The following COBL variants were observed in gnomAD, a reference collection of about 807,000 sequenced individuals.
COBL encodes the protein protein cordon-bleu.
Under a neutral mutation model 98.8 loss-of-function variants are expected in COBL, and 51 were observed. The ratio of observed to expected loss-of-function variants is 0.52; its 90% confidence interval spans 0.41 to 0.65. The LOEUF (loss-of-function observed/expected upper bound fraction) is 0.65, where lower values mean the gene tolerates loss of function less well. Among genes scored for constraint, COBL ranks in the 30% least tolerant of loss-of-function variants. The pLI, the probability that COBL is intolerant of heterozygous loss-of-function variation, is 0.00. For missense variants in COBL, 1,617 were observed against 1,617.5 expected (o/e 1.00, Z 0.01); for synonymous variants, 634 against 651.7 (o/e 0.97, Z 0.41).
chr7:51,098,447 G>A (rs1795512179), intron 6 of COBL, among the ~76,000 whole-genome samples: 1 of 151,958 alleles, frequency 6.6e-6, no homozygotes, highest in African/African-American at 2.4e-5. Flanking sequence ...AGAATAAGGA[G>A]CTCAAAAATA....
chr7:51,316,071 G>A (rs1803542328), intron 1 of COBL, among the ~76,000 whole-genome samples: 1 of 152,180 alleles, frequency 6.6e-6, no homozygotes, highest in Non-Finnish European at 1.5e-5. Flanking sequence ...GCGGGGCCCG[G>A]GCGGCTGCGA....
At chr7:51,228,841 C>A (rs899505664) in intron 1 of COBL, among the ~76,000 whole-genome samples, 7 of 152,078 alleles carry the variant, frequency 4.6e-5, no homozygotes, top group Non-Finnish European at 1.0e-4. Flanking sequence ...AGCAGAGCAA[C>A]CCCTGTTCCA....
intron 5 of COBL, chr7:51,172,443 CA>C (rs1440410641): frequency 7.8e-7 from 1 of 1,284,376 alleles, no homozygotes; most frequent in African/African-American, 1.5e-5. Flanking sequence ...CCTGCTGGGG[CA>C]TTAGTACTCA....
At position 51,027,928 on chromosome 7, in the gene COBL, A is replaced by G; in HGVS notation, c.3168T>C (p.Ser1056=). The stretch of plus-strand genomic sequence containing the variant: ...CTAGGAGAATGTGGCTTTCTGTGCC[A>G]GACCCTCCTGGAGGGTGGGAAGGCT... ...HGEPSHPPGG[S]GTESHILLER... is the part of the protein sequence containing the mutation. Residue 1056 remains serine (S), a synonymous_variant, in exon 10 of 13, where the codon TCT becomes TCC. Coordinates refer to ENST00000265136, the MANE Select transcript of COBL (RefSeq NM_015198.5). The G allele has an allele frequency of 6.2e-7, 1 of 1,613,920 alleles. No homozygotes were observed. The highest frequency in any genetic ancestry group is 8.5e-7 in the Non-Finnish European group (1 of 1,179,886).
chr7:51,233,887 A>G (rs1794995821), intron 1 of COBL, among the ~76,000 whole-genome samples: 1 of 152,262 alleles, frequency 6.6e-6, no homozygotes, highest in Non-Finnish European at 1.5e-5. Flanking sequence ...AAAAACAACC[A>G]GACTGTGTTA....
intron 7 of COBL, among the ~76,000 whole-genome samples, chr7:51,049,247 GT>G (rs1790010291): frequency 6.6e-6 from 1 of 152,116 alleles, no homozygotes. Context: ...ATTTCCATTT[GT>G]TCTTTTGTTT....
intron 7 of COBL, among the ~76,000 whole-genome samples, chr7:51,059,841 A>T (rs1791144768): frequency 6.6e-6 from 1 of 152,110 alleles, no homozygotes; most frequent in Non-Finnish European, 1.5e-5. Context: ...GTGGGATCTG[A>T]AGTTTTTCTA....
At chr7:51,087,324 T>C (rs1010803816) in intron 6 of COBL, among the ~76,000 whole-genome samples, 6 of 152,214 alleles carry the variant, frequency 3.9e-5, no homozygotes, top group African/African-American at 1.4e-4. Flanking sequence ...AGATGTATAA[T>C]GTATATCATA....
intron 7 of COBL, among the ~76,000 whole-genome samples, chr7:51,054,590 G>A (rs962426121): frequency 1.3e-5 from 2 of 152,106 alleles, no homozygotes; most frequent in Admixed American, 1.3e-4. Context: ...GACTGCTGTG[G>A]GCCCCGTTCC....
At chr7:51,252,598 TTTC>T (rs1447805026) in intron 1 of COBL, among the ~76,000 whole-genome samples, 1 of 152,186 alleles carries the variant, frequency 6.6e-6, no homozygotes, top group Admixed American at 6.5e-5. Context: ...TGTTCAACTG[TTTC>T]TTCATAATTC....
rs780565347 is a variant in COBL, at chr7:51,043,496, C to T, written c.1293G>A (p.Lys431=). The change falls in exon 8 of 13, where the codon AAG becomes AAA. Residue 431 remains lysine (K), a synonymous_variant. Transcript: ENST00000265136. ...TGCAGTCTTCCTGGTCTGTGGCCCA[C>T]TTGTCTTTGTATTTCATGCTGTCCT... ...SQQDSMKYKD[K]WATDQEDCSD... 1.2e-6 allele frequency: 2 copies of T among 1,614,242 alleles called. No individual in the cohort carries two copies. The highest frequency in any genetic ancestry group is 1.7e-6 in the Non-Finnish European group (2 of 1,180,048).
At chr7:51,047,277 G>A (rs1789805395) in intron 7 of COBL, among the ~76,000 whole-genome samples, 1 of 152,184 alleles carries the variant, frequency 6.6e-6, no homozygotes, top group Non-Finnish European at 1.5e-5. Context: ...TAGCCACAGA[G>A]CCTGAGTAAG....
intron 6 of COBL, among the ~76,000 whole-genome samples, chr7:51,097,413 C>T (rs1795367963): frequency 1.3e-5 from 2 of 152,154 alleles, no homozygotes; most frequent in African/African-American, 4.8e-5. Flanking sequence ...CTTCTCTTCC[C>T]ATTTCTATTG....
intron 1 of COBL, among the ~76,000 whole-genome samples, chr7:51,273,886 G>A (rs1012515306): frequency 2.6e-5 from 4 of 151,910 alleles, no homozygotes; most frequent in Admixed American, 6.6e-5. Flanking sequence ...AAGTGTCATC[G>A]AACCGCCACA....
At chr7:51,131,835 G>T (rs1237885814) in intron 6 of COBL, among the ~76,000 whole-genome samples, 1 of 152,078 alleles carries the variant, frequency 6.6e-6, no homozygotes, top group Admixed American at 6.5e-5. Flanking sequence ...CTTGTGATCT[G>T]CCCACCTTGG....
chr7:51,276,735 G>A (rs986764544), intron 1 of COBL, among the ~76,000 whole-genome samples: 2 of 152,172 alleles, frequency 1.3e-5, no homozygotes, highest in African/African-American at 2.4e-5. Flanking sequence ...CTTGCAGAGT[G>A]AGCAGGCAGG....
At chr7:51,294,822 T>C (rs1801263585) in intron 1 of COBL, among the ~76,000 whole-genome samples, 1 of 152,088 alleles carries the variant, frequency 6.6e-6, no homozygotes, top group African/African-American at 2.4e-5. Context: ...CTATGCTCCA[T>C]TTATATAGAA....
chr7:51,037,095 G>A (rs1788723280), intron 8 of COBL, among the ~76,000 whole-genome samples: 1 of 151,850 alleles, frequency 6.6e-6, no homozygotes, highest in South Asian at 2.1e-4. Flanking sequence ...ACACATACAT[G>A]CACATATACG....
intron 1 of COBL, 159 bp downstream of exon 1, chr7:51,316,421 CCACCCAACACCAG>C (rs1310895216): frequency 1.2e-4 from 48 of 415,516 alleles, no homozygotes; most frequent in South Asian, 7.1e-4. Context: ...GCACGCACCA[CCACCCAACACCAG>C]CACCCAACAC....
Sources: allele counts gnomAD v4.1 joint callset (sites outside exome capture counted in the v4.1 genomes callset), GRCh38; gene constraint gnomAD v4.1.1; transcripts MANE v1.5; gene names NCBI Gene and HGNC (gene_info 2026-07-23, HGNC 2026-07-21).